The following RRAGB variants were observed in gnomAD, a reference collection of about 807,000 sequenced individuals.
RRAGB encodes the protein ras-related GTP-binding protein B.
RRAGB carries 6 observed loss-of-function variants against 29.3 expected under a neutral mutation model. The observed-to-expected ratio is 0.21, with a 90% CI of 0.11 to 0.40. The LOEUF is 0.40. Among genes scored for constraint, RRAGB ranks in the 10% least tolerant of loss-of-function variants. RRAGB has a pLI of 1.00. For missense variants in RRAGB, 184 were observed against 272.9 expected (o/e 0.67, Z 2.29); for synonymous variants, 101 against 92.5 (o/e 1.09, Z -0.53).
At chrX:55,738,688 C>A (rs776481484) in intron 5 of RRAGB, among the ~76,000 whole-genome samples, 1 of 112,103 alleles carries the variant, frequency 8.9e-6, no homozygotes, top group East Asian at 2.8e-4. Context: ...GCACCAGTTG[C>A]CCTCTAGCCA....
At chrX:55,721,391 T>A (rs761908353) in intron 2 of RRAGB, among the ~76,000 whole-genome samples, 35 of 112,242 alleles carry the variant, frequency 3.1e-4, no homozygotes, top group African/African-American at 1.0e-3. Context: ...GCAAAAATGA[T>A]TACTGAACCA....
intron 3 of RRAGB, among the ~76,000 whole-genome samples, chrX:55,728,031 T>G (rs1382926628): frequency 1.8e-5 from 2 of 108,926 alleles, no homozygotes; most frequent in Admixed American, 9.9e-5. Context: ...TGGGGAGGGA[T>G]TTCCAGGCAG....
At chrX:55,721,177 A>G (rs1179871512) in intron 2 of RRAGB, among the ~76,000 whole-genome samples, 2 of 111,460 alleles carry the variant, frequency 1.8e-5, no homozygotes, top group African/African-American at 6.5e-5. Flanking sequence ...TACTTTGAGC[A>G]TCTGTTGTAT....
chrX:55,733,180 C>G (rs181027571), intron 5 of RRAGB, among the ~76,000 whole-genome samples: 151 of 111,433 alleles, frequency 1.4e-3, no homozygotes, highest in Non-Finnish European at 1.9e-3. Flanking sequence ...CTTTTATGTA[C>G]CCATAGCTTA....
chrX:55,755,675 A>G (rs2034640339), intron 7 of RRAGB, 166 bp from the exon 8 acceptor site: 1 of 1,001,323 alleles, frequency 1.0e-6, no homozygotes. Context: ...GAAACCACAC[A>G]GAATGTTGAT....
At chrX:55,726,572 A>T (rs1258669740) in intron 3 of RRAGB, among the ~76,000 whole-genome samples, 1 of 110,968 alleles carries the variant, frequency 9.0e-6, no homozygotes, top group African/African-American at 3.3e-5. Flanking sequence ...ATGATAGTGG[A>T]TATGGTGAGA....
intron 3 of RRAGB, among the ~76,000 whole-genome samples, chrX:55,725,836 A>G (rs2033454405): frequency 9.0e-6 from 1 of 111,259 alleles, no homozygotes; most frequent in Non-Finnish European, 1.9e-5. Flanking sequence ...TTCTTCCATT[A>G]TCTTTAATTA....
At chrX:55,737,822 G>A (rs1240877970) in intron 5 of RRAGB, among the ~76,000 whole-genome samples, 1 of 112,753 alleles carries the variant, frequency 8.9e-6, no homozygotes, top group Admixed American at 9.3e-5. Context: ...CACAAGGATT[G>A]AAGGTCCCTG....
intron 9 of RRAGB, 71 bp from the exon 10 acceptor site, chrX:55,758,175 G>A (rs777325320): frequency 9.7e-5 from 66 of 682,743 alleles, no homozygotes; most frequent in Non-Finnish European, 1.3e-4. Context: ...TTGTTTATTT[G>A]TTTTACTAGT....
At chrX:55,740,655 G>A (rs2034033509) in intron 5 of RRAGB, among the ~76,000 whole-genome samples, 1 of 111,928 alleles carries the variant, frequency 8.9e-6, no homozygotes, top group African/African-American at 3.3e-5. Context: ...CTTTTGAAGT[G>A]TTGGTTGTGC....
intron 5 of RRAGB, among the ~76,000 whole-genome samples, chrX:55,746,518 A>G (rs1383388335): frequency 8.9e-6 from 1 of 112,167 alleles, no homozygotes; most frequent in Non-Finnish European, 1.9e-5. Flanking sequence ...GTTCTAGCCT[A>G]CAGAGAAGAA....
chrX:55,734,433 C>G (rs765164332), intron 5 of RRAGB, among the ~76,000 whole-genome samples: 3 of 111,043 alleles, frequency 2.7e-5, no homozygotes, highest in African/African-American at 9.8e-5. Flanking sequence ...ATAGTAGTCT[C>G]AGTCATCCTT....
intron 5 of RRAGB, among the ~76,000 whole-genome samples, chrX:55,748,783 TG>T (rs1192266887): frequency 1.1e-5 from 1 of 95,091 alleles, no homozygotes; most frequent in East Asian, 3.4e-4. Flanking sequence ...GGGAGGGAGG[TG>T]GGGGGGTCAG....
At position 55,731,350 on chromosome X, in the gene RRAGB, A is replaced by G; in HGVS notation, c.294-14A>G. ...TTGAGGATTTGCTTACTATATATAT[A>G]TTTTTTCTATCAGGCAAGACACCTT... is the stretch of plus-strand genomic sequence containing the variant. On this transcript the variant is annotated splice_polypyrimidine_tract_variant and intron_variant, in intron 4 of 9. Coordinates refer to ENST00000374941, the MANE Select transcript of RRAGB (RefSeq NM_006064.5). 1 of 1,158,566 alleles carries G rather than the reference A, an allele frequency of 8.6e-7. No individual in the cohort carries two copies. Among genetic ancestry groups the G allele is most frequent in the Non-Finnish European group, 1.2e-6 (1 of 853,491 alleles).
chrX:55,750,165 TATAC>T (rs1254257628), intron 5 of RRAGB, among the ~76,000 whole-genome samples: 4 of 85,979 alleles, frequency 4.7e-5, no homozygotes, highest in South Asian at 7.1e-4. Flanking sequence ...TGAATATACA[TATAC>T]ATACATACAT....
intron 4 of RRAGB, among the ~76,000 whole-genome samples, chrX:55,731,107 A>C (rs1025882373): frequency 1.8e-5 from 2 of 111,641 alleles, no homozygotes; most frequent in African/African-American, 6.5e-5. Flanking sequence ...GATCTGGTAC[A>C]GGAGAATCAA....
rs141091954 is a variant in RRAGB, at chrX:55,750,184, A to ATGTG, written c.517-883_517-880dup. 3.7e-3 allele frequency among the ~76,000 whole-genome samples: 345 copies of ATGTG among 93,970 alleles called. 1 individual carries two copies. Among genetic ancestry groups the ATGTG allele is most frequent in the African/African-American group, 0.013 (326 of 25,394 alleles). 81.6% of individuals were successfully genotyped at this position (93,970 alleles called of 115,157 possible). ...TATACATATACATACATACATACGT[A>ATGTG]TGTGTGTGTGTGTGTGTGTGTGTGT... On this transcript the variant is annotated intron_variant, in intron 5 of 9. Coordinates refer to ENST00000374941, the MANE Select transcript of RRAGB (RefSeq NM_006064.5).
At chrX:55,748,458 GC>G (rs1343568789) in intron 5 of RRAGB, among the ~76,000 whole-genome samples, 1 of 107,552 alleles carries the variant, frequency 9.3e-6, no homozygotes, top group Non-Finnish European at 1.9e-5. Context: ...CATCTAGGAA[GC>G]GAGGAGAGTC....
chrX:55,748,623 TCCGCCTGGCAACCGCC>T (rs1445764550), intron 5 of RRAGB, among the ~76,000 whole-genome samples: 5 of 106,652 alleles, frequency 4.7e-5, no homozygotes, highest in Non-Finnish European at 7.7e-5. Context: ...GAGGAGACCC[TCCGCCTGGCAACCGCC>T]CCGCCTGAGA....
Sources: gnomAD v4.1 joint callset for allele counts (sites outside exome capture counted in the v4.1 genomes callset) on GRCh38, gnomAD v4.1.1 for gene constraint, MANE v1.5 for transcripts, NCBI Gene and HGNC (gene_info 2026-07-23, HGNC 2026-07-21) for gene names.